Variants in PPP2R2B observed in about 807,000 individuals in gnomAD.
PPP2R2B encodes serine/threonine-protein phosphatase 2A 55 kDa regulatory subunit B beta isoform.
Under a neutral mutation model 46.0 loss-of-function variants are expected in PPP2R2B, and 5 were observed. The observed-to-expected ratio is 0.11, with a 90% CI of 0.06 to 0.23. The LOEUF (loss-of-function observed/expected upper bound fraction) is 0.23, where lower values mean the gene tolerates loss of function less well. Among genes scored for constraint, PPP2R2B ranks in the 10% least tolerant of loss-of-function variants. PPP2R2B has a pLI of 1.00. For missense variants in PPP2R2B, 367 were observed against 575.0 expected, an observed-to-expected ratio of 0.64 and a Z score of 3.70; for synonymous variants, 215 against 206.7, an observed-to-expected ratio of 1.04 and a Z score of -0.34.
intron 5 of PPP2R2B, among the ~76,000 whole-genome samples, chr5:146,654,588 T>C (rs1204840981): frequency 6.6e-6 from 1 of 152,158 alleles, no homozygotes; most frequent in African/African-American, 2.4e-5. Flanking sequence ...TGGGAGGCCA[T>C]AGTGTCTAGG....
At chr5:146,918,264 T>C (rs2151812110) in intron 1 of PPP2R2B, 1 of 152,318 alleles carries the variant, frequency 6.6e-6, no homozygotes, top group Non-Finnish European at 1.5e-5. Context: ...GGCTCTGCAC[T>C]ACTGCAAGTT....
chr5:146,666,853 ATG>A (rs1777009905), intron 5 of PPP2R2B, among the ~76,000 whole-genome samples: 1 of 152,206 alleles, frequency 6.6e-6, no homozygotes, highest in Non-Finnish European at 1.5e-5. Flanking sequence ...CGTCCATATC[ATG>A]TCATCAAGTA....
intron 6 of PPP2R2B, among the ~76,000 whole-genome samples, chr5:146,639,418 A>T (rs982469213): frequency 6.6e-6 from 1 of 152,072 alleles, no homozygotes; most frequent in African/African-American, 2.4e-5. Flanking sequence ...TGAAACATTT[A>T]GTCTTTTATT....
intron 2 of PPP2R2B, among the ~76,000 whole-genome samples, chr5:146,763,230 G>T (rs1357484741): frequency 6.6e-6 from 1 of 152,184 alleles, no homozygotes; most frequent in Non-Finnish European, 1.5e-5. Context: ...AAACATGAAG[G>T]AGGAAATGGA....
At chr5:146,902,727 AT>A (rs1762874102) in intron 1 of PPP2R2B, among the ~76,000 whole-genome samples, 1 of 152,236 alleles carries the variant, frequency 6.6e-6, no homozygotes, top group South Asian at 2.1e-4. Flanking sequence ...TGAGAACAAC[AT>A]TCAAACTCCT....
intron 3 of PPP2R2B, among the ~76,000 whole-genome samples, chr5:146,699,971 A>C (rs1291503241): frequency 6.6e-6 from 1 of 152,182 alleles, no homozygotes; most frequent in African/African-American, 2.4e-5. Context: ...GGCCAATGGA[A>C]TAGGCTGGAT....
At chr5:146,886,368 T>C (rs935261534) in intron 1 of PPP2R2B, among the ~76,000 whole-genome samples, 1 of 149,906 alleles carries the variant, frequency 6.7e-6, no homozygotes, top group Admixed American at 6.7e-5. Context: ...AATAAATAAA[T>C]AATAAAACTA....
intron 2 of PPP2R2B, among the ~76,000 whole-genome samples, chr5:146,843,799 C>T (rs1057113899): frequency 6.6e-6 from 1 of 151,982 alleles, no homozygotes; most frequent in Non-Finnish European, 1.5e-5. Context: ...TTTATGGCTG[C>T]ATAGTATTCC....
At chr5:146,825,268 C>G (rs137993378) in intron 2 of PPP2R2B, among the ~76,000 whole-genome samples, 1 of 152,250 alleles carries the variant, frequency 6.6e-6, no homozygotes, top group Non-Finnish European at 1.5e-5. Context: ...GCTGTTTCTC[C>G]TCTTTGGTTC....
chr5:146,916,413 A>C (rs1763387170), intron 1 of PPP2R2B, among the ~76,000 whole-genome samples: 1 of 152,110 alleles, frequency 6.6e-6, no homozygotes, highest in Admixed American at 6.6e-5. Context: ...GACAGAGAGA[A>C]CTAAAGCAGG....
chr5:146,590,398 GTTT>G (rs1221281341), intron 9 of PPP2R2B, among the ~76,000 whole-genome samples, 172 bp from the exon 10 acceptor site: 1 of 113,414 alleles, frequency 8.8e-6, no homozygotes, highest in Non-Finnish European at 1.9e-5. Flanking sequence ...TTTTTTTTGT[GTTT>G]TTTTTTTTTT....
At chr5:146,836,165 C>T (rs1759271175) in intron 2 of PPP2R2B, among the ~76,000 whole-genome samples, 2 of 152,128 alleles carry the variant, frequency 1.3e-5, no homozygotes, top group Admixed American at 1.3e-4. Flanking sequence ...CTACTATGCC[C>T]TCCCCATGCA....
intron 8 of PPP2R2B, among the ~76,000 whole-genome samples, chr5:146,594,513 A>C (rs1036842124): frequency 6.6e-6 from 1 of 152,244 alleles, no homozygotes; most frequent in Admixed American, 6.5e-5. Context: ...GGGCATACCC[A>C]ATATGCTGGC....
intron 5 of PPP2R2B, among the ~76,000 whole-genome samples, chr5:146,667,232 T>C (rs941928421): frequency 3.4e-4 from 51 of 152,058 alleles, no homozygotes; most frequent in African/African-American, 1.2e-3. Context: ...GTAGTGATTC[T>C]AGAAAATAAA....
At chr5:146,643,100 G>C (rs893826368) in intron 6 of PPP2R2B, among the ~76,000 whole-genome samples, 3 of 152,078 alleles carry the variant, frequency 2.0e-5, no homozygotes, top group African/African-American at 7.2e-5. Context: ...TACTTATGAT[G>C]TGTACTATTT....
At chr5:147,069,792 T>TTTTTTTTG (rs1757528757) in intron 2 of PPP2R2B, among the ~76,000 whole-genome samples, 1 of 123,024 alleles carries the variant, frequency 8.1e-6, no homozygotes, top group Non-Finnish European at 1.7e-5. Flanking sequence ...ACTGTTTTTT[T>TTTTTTTTG]TTTTTTTTTT....
At chr5:147,035,058 C>A in intron 1 of PPP2R2B, 2 of 454,492 alleles carry the variant, frequency 4.4e-6, no homozygotes, top group Non-Finnish European at 8.9e-6. Flanking sequence ...GAACTCAGCT[C>A]ATTTAACATC....
At position 146,588,421 on chromosome 5, in the gene PPP2R2B, A is replaced by G. The variant is rs1369627653; in HGVS notation, c.*1526T>C. ...ACACTTGAAAGTCAGGACTTCTAAT[A>G]CATCTGTAAACTGAAAGAAAATTTC... On this transcript the variant is annotated 3_prime_UTR_variant, in exon 10 of 10. Transcript: ENST00000394411. The G allele has an allele frequency of 2.6e-5, 4 of 152,206 alleles. No homozygotes were observed. The highest frequency in any genetic ancestry group is 7.2e-5 in the African/African-American group (3 of 41,458). 9.4% of individuals were successfully genotyped at this position (152,206 alleles called of 1,614,324 possible). A position where few individuals can be genotyped will look rare whatever the true frequency, so the allele number is the denominator to read the frequency against.
chr5:147,040,880 G>A (rs1031036977), intron 1 of PPP2R2B: 1 of 417,672 alleles, frequency 2.4e-6, no homozygotes, highest in South Asian at 1.8e-5. Flanking sequence ...AAAATACCTT[G>A]AGGCTGGTTC....
Sources: gnomAD v4.1 joint callset for allele counts (sites outside exome capture counted in the v4.1 genomes callset) on GRCh38, gnomAD v4.1.1 for gene constraint, MANE v1.5 for transcripts, NCBI Gene and HGNC (gene_info 2026-07-23, HGNC 2026-07-21) for gene names.